Variants in FAM135B observed in about 807,000 individuals in gnomAD.
FAM135B encodes protein FAM135B.
Under a neutral mutation model 127.7 loss-of-function variants are expected in FAM135B, and 43 were observed. The observed-to-expected ratio is 0.34, with a 90% CI of 0.26 to 0.43. The LOEUF is 0.43. FAM135B is among the 20% of genes least tolerant of loss of function. The pLI is 1.00. For missense variants in FAM135B, 1,558 were observed against 1,725.6 expected, an observed-to-expected ratio of 0.90 and a Z score of 1.72; for synonymous variants, 670 against 665.1, an observed-to-expected ratio of 1.01 and a Z score of -0.11.
At position 138,493,921 on chromosome 8, in the gene FAM135B, T is replaced by A. The variant is rs76052448; in HGVS notation, c.-20+2750A>T. Reference sequence around the variant, plus strand: ...GAAAACTGAGATTAAATCTAGGCTATCTTAATCCAATGCTTGTGCTTTTTT... The same window carrying A: ...GAAAACTGAGATTAAATCTAGGCTAACTTAATCCAATGCTTGTGCTTTTTT... On this transcript the variant is annotated intron_variant, in intron 1 of 19. Coordinates refer to ENST00000395297, the MANE Select transcript of FAM135B (RefSeq NM_015912.4). Among the ~76,000 whole-genome samples, 1,264 of 152,332 alleles carry A rather than the reference T, an allele frequency of 8.3e-3. 19 individuals carry two copies. The highest frequency in any genetic ancestry group is 0.029 in the African/African-American group (1,208 of 41,572).
At chr8:138,458,533 A>G (rs1836932736) in intron 1 of FAM135B, among the ~76,000 whole-genome samples, 1 of 152,232 alleles carries the variant, frequency 6.6e-6, no homozygotes. Context: ...AGGAATGGCC[A>G]TTAGACCAAA....
At chr8:138,494,432 C>T (rs1192817829) in intron 1 of FAM135B, among the ~76,000 whole-genome samples, 6 of 152,324 alleles carry the variant, frequency 3.9e-5, no homozygotes, top group Admixed American at 3.9e-4. Context: ...AGCGATGACA[C>T]AGCACAGTCC....
chr8:138,198,591 A>T (rs1816854425), intron 7 of FAM135B, among the ~76,000 whole-genome samples: 1 of 152,240 alleles, frequency 6.6e-6, no homozygotes. Flanking sequence ...CTGAAAGCAC[A>T]CCTGTAAACA....
chr8:138,151,077 A>T, intron 13 of FAM135B, 117 bp downstream of exon 13: 1 of 632,032 alleles, frequency 1.6e-6, no homozygotes, highest in Non-Finnish European at 2.6e-6. Context: ...ATATTACCTT[A>T]TTTAAATCAG....
chr8:138,284,432 C>T (rs1469059148), intron 3 of FAM135B, among the ~76,000 whole-genome samples: 3 of 152,090 alleles, frequency 2.0e-5, no homozygotes, highest in Non-Finnish European at 2.9e-5. Context: ...TTGCTCCCGG[C>T]CCGAAGCCCT....
At chr8:138,338,902 C>CAT (rs1265041804) in intron 2 of FAM135B, among the ~76,000 whole-genome samples, 29 of 151,988 alleles carry the variant, frequency 1.9e-4, no homozygotes, top group African/African-American at 7.0e-4. Context: ...AAATGTGGCA[C>CAT]ATATACACCA....
intron 4 of FAM135B, among the ~76,000 whole-genome samples, chr8:138,265,336 T>A (rs11997562): frequency 7.2e-5 from 11 of 151,852 alleles, no homozygotes; most frequent in East Asian, 3.9e-4. Context: ...GTTCTGTCCC[T>A]TACCCAAGGG....
intron 1 of FAM135B, among the ~76,000 whole-genome samples, chr8:138,465,517 A>C (rs1373218039): frequency 6.6e-6 from 1 of 152,172 alleles, no homozygotes; most frequent in Admixed American, 6.6e-5. Flanking sequence ...TCTCGTGCCC[A>C]TGCATGCTTT....
intron 1 of FAM135B, among the ~76,000 whole-genome samples, chr8:138,463,080 T>G (rs2131622982): frequency 6.6e-6 from 1 of 152,322 alleles, no homozygotes; most frequent in South Asian, 2.1e-4. Flanking sequence ...ACATCTGTGT[T>G]AATAAATAAA....
chr8:138,390,869 G>A (rs974608069), intron 1 of FAM135B, among the ~76,000 whole-genome samples: 2 of 152,104 alleles, frequency 1.3e-5, no homozygotes, highest in African/African-American at 2.4e-5. Flanking sequence ...TAGCAAATTT[G>A]CAATTTGGAA....
intron 1 of FAM135B, among the ~76,000 whole-genome samples, chr8:138,466,054 G>A (rs1837364680): frequency 6.6e-6 from 1 of 152,208 alleles, no homozygotes; most frequent in Admixed American, 6.5e-5. Flanking sequence ...GGGATTACAG[G>A]CATGAGCCAC....
intron 7 of FAM135B, among the ~76,000 whole-genome samples, chr8:138,206,056 G>A (rs1006281909): frequency 1.9e-4 from 25 of 132,818 alleles, no homozygotes; most frequent in African/African-American, 5.7e-4. Flanking sequence ...CAGCATCCCC[G>A]CCATCTATGC....
chr8:138,131,352 A>T lies in FAM135B; in HGVS notation c.*1241T>A, dbSNP rs958970117. Reference sequence around the variant, plus strand: ...AGGCTTACTTTAGCCCATACAACATACTCAGTCTTTGAGACCTGACTATTA... The same window carrying T: ...AGGCTTACTTTAGCCCATACAACATTCTCAGTCTTTGAGACCTGACTATTA... On this transcript the variant is annotated 3_prime_UTR_variant, in exon 20 of 20. Coordinates refer to ENST00000395297, the MANE Select transcript of FAM135B (RefSeq NM_015912.4). 14 of 152,022 alleles carry T rather than the reference A, an allele frequency of 9.2e-5. No individual in the cohort carries two copies. The highest frequency in any genetic ancestry group is 2.9e-4 in the African/African-American group (12 of 41,198). The allele number at this position is 152,022 out of a possible 1,614,324, so 9.4% of individuals were successfully genotyped here. A position where few individuals can be genotyped will look rare whatever the true frequency, so the allele number is the denominator to read the frequency against.
intron 1 of FAM135B, among the ~76,000 whole-genome samples, chr8:138,400,794 C>T (rs1833116809): frequency 6.6e-6 from 1 of 152,148 alleles, no homozygotes; most frequent in Non-Finnish European, 1.5e-5. Flanking sequence ...TTAAACTACT[C>T]CAAAATCCAT....
In FAM135B at chr8:138,159,998, A is replaced by T. The variant is rs188778025; in HGVS notation, c.1259-6782T>A. Among the ~76,000 whole-genome samples, 9 of 152,316 alleles carry T rather than the reference A, an allele frequency of 5.9e-5. No homozygotes were observed. In the East Asian group the frequency reaches 1.7e-3, roughly 29 times the overall value. The stretch of plus-strand genomic sequence containing the variant: ...AGAGAGTTAAGACATTCAGTCAAGT[A>T]ATACTAGCCTGATTTCTGGGAAAGA... On this transcript the variant is annotated intron_variant, in intron 12 of 19. Transcript: ENST00000395297.
intron 7 of FAM135B, among the ~76,000 whole-genome samples, chr8:138,236,399 TACACACAC>T (rs35317285): frequency 1.7e-4 from 25 of 144,788 alleles, no homozygotes; most frequent in African/African-American, 6.0e-4. Flanking sequence ...CACACACACA[TACACACAC>T]ACACACACAC....
At chr8:138,234,009 C>T (rs968773405) in intron 7 of FAM135B, among the ~76,000 whole-genome samples, 11 of 152,126 alleles carry the variant, frequency 7.2e-5, no homozygotes, top group African/African-American at 2.2e-4. Context: ...ATTGTCATCA[C>T]GTGACATCTC....
intron 9 of FAM135B, among the ~76,000 whole-genome samples, chr8:138,186,746 C>T (rs551973901): frequency 4.5e-4 from 68 of 152,282 alleles, no homozygotes; most frequent in East Asian, 3.9e-3. Flanking sequence ...CTTGGGGCAC[C>T]GCCCTAGAAG....
chr8:138,138,612 A>G (rs1816862577), intron 18 of FAM135B, among the ~76,000 whole-genome samples: 1 of 152,236 alleles, frequency 6.6e-6, no homozygotes, highest in Non-Finnish European at 1.5e-5. Flanking sequence ...CACAGTCAAC[A>G]TCAGTGGAAA....
Sources: allele counts gnomAD v4.1 joint callset (sites outside exome capture counted in the v4.1 genomes callset), GRCh38; gene constraint gnomAD v4.1.1; transcripts MANE v1.5; gene names NCBI Gene and HGNC (gene_info 2026-07-23, HGNC 2026-07-21).